HNRNPA3: variants seen among roughly 807,000 people sequenced by gnomAD.
HNRNPA3 encodes epididymis secretory sperm binding protein.
In HNRNPA3, 3 loss-of-function variants were observed where a neutral mutation model predicts 45.8. That is an observed-to-expected ratio of 0.07 (90% CI 0.03 to 0.17). The LOEUF (loss-of-function observed/expected upper bound fraction) is 0.17, where lower values mean the gene tolerates loss of function less well. Ranked by LOEUF, HNRNPA3 falls within the 10% of genes least tolerant of loss-of-function variation. The pLI, the probability that HNRNPA3 is intolerant of heterozygous loss-of-function variation, is 1.00. For missense variants in HNRNPA3, 183 were observed against 480.3 expected, an observed-to-expected ratio of 0.38 and a Z score of 5.79; for synonymous variants, 170 against 155.6, an observed-to-expected ratio of 1.09 and a Z score of -0.69.
exon 11 of HNRNPA3, chr2:177,219,621 T>G (rs1689101348): frequency 8.2e-6 from 2 of 244,204 alleles, no homozygotes; most frequent in Non-Finnish European, 1.6e-5. Flanking sequence ...AGCTATTGAT[T>G]AATGCAATGT....
chr2:177,216,230 T>A (rs757283568), intron 4 of HNRNPA3, 42 bp downstream of exon 4: 6 of 1,339,858 alleles, frequency 4.5e-6, no homozygotes, highest in Non-Finnish European at 6.3e-6. Flanking sequence ...AAAGTAGAAC[T>A]GGTTTTTCTG....
intron 8 of HNRNPA3, 60 bp downstream of exon 8, chr2:177,217,905 G>A: frequency 1.4e-6 from 2 of 1,410,414 alleles, no homozygotes; most frequent in South Asian, 1.4e-5. Context: ...CAGTTCCCAT[G>A]ACACATATTT....
exon 11 of HNRNPA3, chr2:177,219,653 C>A (rs1317671793): frequency 1.1e-5 from 2 of 186,372 alleles, no homozygotes; most frequent in South Asian, 1.4e-4. Context: ...GATGTACATT[C>A]CTGAGGTCTT....
chr2:177,218,218 C>G (rs866978715), intron 8 of HNRNPA3, among the ~76,000 whole-genome samples: 1 of 151,878 alleles, frequency 6.6e-6, no homozygotes, highest in Non-Finnish European at 1.5e-5. Context: ...TATGCCAGCA[C>G]GCCCGGTTAA....
chr2:177,221,819 A>G (rs761017583), downstream of HNRNPA3: 15 of 152,682 alleles, frequency 9.8e-5, no homozygotes, highest in Admixed American at 2.6e-4. Flanking sequence ...ATAGTGAGCA[A>G]CTTTCCAAAA....
downstream of HNRNPA3, chr2:177,221,033 A>G (rs1689169079): frequency 6.6e-6 from 1 of 152,648 alleles, no homozygotes; most frequent in South Asian, 2.1e-4. Flanking sequence ...TTGTTGCTCT[A>G]ATTCTGTGCC....
chr2:177,221,457 G>A (rs985275827), downstream of HNRNPA3: 2 of 152,608 alleles, frequency 1.3e-5, no homozygotes, highest in African/African-American at 4.8e-5. Flanking sequence ...GAGGTTAATT[G>A]TACTGTTAAC....
chr2:177,222,987 C>T (rs1350076447), downstream of HNRNPA3: 1 of 152,546 alleles, frequency 6.6e-6, no homozygotes, highest in Non-Finnish European at 1.5e-5. Context: ...AATTACCGTT[C>T]AAACTGGTTG....
At chr2:177,216,236 TTC>T (rs764776578) in intron 4 of HNRNPA3, 48 bp downstream of exon 4, 1 of 1,312,012 alleles carries the variant, frequency 7.6e-7, no homozygotes, top group Non-Finnish European at 1.1e-6. Flanking sequence ...GAACTGGTTT[TTC>T]TGTTTTGAAC....
At chr2:177,213,705 G>A (rs1477611818) in intron 1 of HNRNPA3, among the ~76,000 whole-genome samples, 1 of 152,234 alleles carries the variant, frequency 6.6e-6, no homozygotes, top group African/African-American at 2.4e-5. Context: ...CGCTGAGGAG[G>A]GTGGGTGGAG....
intron 1 of HNRNPA3, among the ~76,000 whole-genome samples, chr2:177,215,288 T>C (rs1334224222): frequency 6.6e-6 from 1 of 152,058 alleles, no homozygotes; most frequent in East Asian, 1.9e-4. Flanking sequence ...AGAGATGGGG[T>C]TTCGCCGTGT....
chr2:177,212,969 C>G, intron 1 of HNRNPA3, 98 bp downstream of exon 1: 3 of 774,792 alleles, frequency 3.9e-6, no homozygotes, highest in South Asian at 2.1e-5. Context: ...TCGGCCGTCC[C>G]GCGCTCTTGC....
Position 177,214,142 on chromosome 2 carries a change from TAAA to T in HNRNPA3, c.72+1274_72+1276del, listed in dbSNP as rs1051713012. Among the ~76,000 whole-genome samples the T allele has an allele frequency of 5.9e-5, 9 of 152,242 alleles. No homozygotes were observed. In the South Asian group the frequency reaches 1.0e-3, roughly 17 times the overall value. Reference sequence around the variant, plus strand: ...TTAAATGACAGTTCATGCAATGTGTTAAAAAGTCTTGACTAAAGTATAAAACAA... The same window carrying T: ...TTAAATGACAGTTCATGCAATGTGTTAAGTCTTGACTAAAGTATAAAACAA... On this transcript the variant is annotated intron_variant, in intron 1 of 10. Coordinates refer to ENST00000392524, the Ensembl canonical transcript of HNRNPA3.
chr2:177,221,002 C>G (rs761453369), downstream of HNRNPA3: 1 of 152,506 alleles, frequency 6.6e-6, no homozygotes, highest in Admixed American at 6.6e-5. Flanking sequence ...ATGGGGTGTG[C>G]TAGTGTTTGA....
At chr2:177,213,177 G>A (rs1162780835) in intron 1 of HNRNPA3, among the ~76,000 whole-genome samples, 1 of 152,072 alleles carries the variant, frequency 6.6e-6, no homozygotes, top group Non-Finnish European at 1.5e-5. Flanking sequence ...GGCGGGCCCC[G>A]GCGGGAGCGG....
intron 7 of HNRNPA3, among the ~76,000 whole-genome samples, chr2:177,217,482 TAG>T (rs1321488862): frequency 6.6e-6 from 1 of 152,076 alleles, no homozygotes; most frequent in African/African-American, 2.4e-5. Flanking sequence ...AAAAATAAAA[TAG>T]GGGAACATGG....
At chr2:177,217,874 TTAAA>T in intron 8 of HNRNPA3, 29 bp downstream of exon 8, 1 of 1,529,040 alleles carries the variant, frequency 6.5e-7, no homozygotes, top group African/African-American at 1.4e-5. Flanking sequence ...TATTTAAATG[TTAAA>T]TATTCAGTGT....
At chr2:177,222,820 T>G (rs1266947888), downstream of HNRNPA3, 1 of 152,638 alleles carries the variant, frequency 6.6e-6, no homozygotes, top group East Asian at 1.9e-4. Context: ...AAGGTTGGTC[T>G]TCAAGTGGCC....
chr2:177,223,532 T>G (rs1178165646), downstream of HNRNPA3: 1 of 152,194 alleles, frequency 6.6e-6, no homozygotes, highest in Admixed American at 6.5e-5. Flanking sequence ...GGAGAATATG[T>G]GGTAATAAAG....
Sources: gnomAD v4.1 joint callset for allele counts (sites outside exome capture counted in the v4.1 genomes callset) on GRCh38, gnomAD v4.1.1 for gene constraint, MANE v1.5 for transcripts, NCBI Gene and HGNC (gene_info 2026-07-23, HGNC 2026-07-21) for gene names.